EXT2: variants seen among roughly 807,000 people sequenced by gnomAD.
EXT2 encodes the protein exostosin glycosyltransferase 2.
A neutral mutation model predicts 81.6 loss-of-function variants in EXT2; 53 were observed. The observed-to-expected ratio is 0.65, with a 90% CI of 0.52 to 0.82. The LOEUF is 0.82. EXT2 is among the 40% of genes least tolerant of loss of function. The pLI is 0.00. For synonymous variants in EXT2, 320 were observed against 340.0 expected (o/e 0.94, Z 0.65); for missense variants, 774 against 910.2 (o/e 0.85, Z 1.93).
At chr11:44,227,655 A>G (rs1187332019) in intron 10 of EXT2, among the ~76,000 whole-genome samples, 1 of 152,210 alleles carries the variant, frequency 6.6e-6, no homozygotes, top group Non-Finnish European at 1.5e-5. Context: ...TATCTATAGT[A>G]ATGGGACACG....
intron 3 of EXT2, among the ~76,000 whole-genome samples, chr11:44,110,801 A>G (rs1488217856): frequency 6.6e-6 from 1 of 152,236 alleles, no homozygotes; most frequent in Admixed American, 6.5e-5. Flanking sequence ...TGTTAGGATC[A>G]GGAAGGTTAA....
In EXT2 at chr11:44,234,111, A is replaced by T. The variant is rs754763306; in HGVS notation, c.1807-4A>T. On this transcript the variant is annotated splice_polypyrimidine_tract_variant and splice_region_variant and intron_variant, in intron 11 of 13. Coordinates refer to ENST00000533608, the MANE Select transcript of EXT2 (RefSeq NM_207122.2). ...ATATTTCTTCTTTCTGTCTCACTTGACAGTATTTTAATTACCTGTATACCT... is the reference window on the plus strand; with the variant it reads ...ATATTTCTTCTTTCTGTCTCACTTGTCAGTATTTTAATTACCTGTATACCT... 6.2e-7 allele frequency: 1 copy of T among 1,614,062 alleles called. No individual in the cohort carries two copies. The highest frequency in any genetic ancestry group is 1.1e-5 in the South Asian group (1 of 91,068).
At chr11:44,109,468 G>A (rs1187217017) in intron 3 of EXT2, among the ~76,000 whole-genome samples, 185 bp downstream of exon 3, 3 of 152,098 alleles carry the variant, frequency 2.0e-5, no homozygotes, top group Non-Finnish European at 4.4e-5. Flanking sequence ...AACCAGTTAG[G>A]GCTTATGTCC....
chr11:44,177,208 G>A (rs1196360199), intron 8 of EXT2, among the ~76,000 whole-genome samples: 1 of 152,188 alleles, frequency 6.6e-6, no homozygotes, highest in African/African-American at 2.4e-5. Context: ...TTCTTTATTA[G>A]GGGAAGTGTG....
At chr11:44,181,848 C>T (rs1955240489) in intron 8 of EXT2, among the ~76,000 whole-genome samples, 1 of 152,144 alleles carries the variant, frequency 6.6e-6, no homozygotes, top group Non-Finnish European at 1.5e-5. Context: ...TGATTATTGG[C>T]AGTCTGCTCT....
chr11:44,128,856 A>G (rs1590573547), intron 6 of EXT2, among the ~76,000 whole-genome samples: 1 of 152,158 alleles, frequency 6.6e-6, no homozygotes, highest in African/African-American at 2.4e-5. Flanking sequence ...TACTTAACAA[A>G]TGTTTATCAA....
intron 3 of EXT2, among the ~76,000 whole-genome samples, chr11:44,112,409 T>C (rs989167245): frequency 2.0e-5 from 3 of 152,216 alleles, no homozygotes; most frequent in African/African-American, 7.2e-5. Flanking sequence ...TTCAGTCTCT[T>C]GCAGCTTTGG....
chr11:44,106,083 G>A (rs1954050235), intron 1 of EXT2, among the ~76,000 whole-genome samples: 1 of 152,192 alleles, frequency 6.6e-6, no homozygotes, highest in Admixed American at 6.5e-5. Flanking sequence ...ACTCTATAGG[G>A]CCTCTCAAGT....
chr11:44,185,673 T>C (rs1435047355), intron 8 of EXT2, among the ~76,000 whole-genome samples: 4 of 152,232 alleles, frequency 2.6e-5, no homozygotes, highest in Admixed American at 2.6e-4. Context: ...GTTAGGCTCC[T>C]AACAGCTCAA....
Position 44,245,710 on chromosome 11 carries a change from G to A in EXT2, c.*1423G>A, listed in dbSNP as rs1235786700. Among the ~76,000 whole-genome samples, 2 of 152,212 alleles carry A rather than the reference G, an allele frequency of 1.3e-5. No homozygotes were observed. The highest frequency in any genetic ancestry group is 4.8e-5 in the African/African-American group (2 of 41,458). Reference sequence around the variant, plus strand: ...CATGAAGGTGGGCAGTTATTATGCTGTAGTTTCATCAAGAGTCACTTCAGA... The same window carrying A: ...CATGAAGGTGGGCAGTTATTATGCTATAGTTTCATCAAGAGTCACTTCAGA... On this transcript the variant is annotated 3_prime_UTR_variant, in exon 14 of 14. Coordinates refer to ENST00000533608, the MANE Select transcript of EXT2 (RefSeq NM_207122.2).
At chr11:44,229,025 C>G (rs990446573) in intron 10 of EXT2, among the ~76,000 whole-genome samples, 1 of 152,160 alleles carries the variant, frequency 6.6e-6, no homozygotes, top group Non-Finnish European at 1.5e-5. Flanking sequence ...TGCCCCCTCC[C>G]CATGCCCTAC....
intron 13 of EXT2, among the ~76,000 whole-genome samples, chr11:44,243,064 C>A (rs1026269512): frequency 1.3e-5 from 2 of 152,126 alleles, no homozygotes; most frequent in Non-Finnish European, 2.9e-5. Context: ...GTTAAAAGCT[C>A]AAAATGAAAT....
intron 10 of EXT2, among the ~76,000 whole-genome samples, chr11:44,211,903 A>G (rs898566097): frequency 6.6e-6 from 1 of 152,198 alleles, no homozygotes; most frequent in Non-Finnish European, 1.5e-5. Flanking sequence ...GTCAATAAGA[A>G]TAACATTTTT....
chr11:44,102,885 T>C (rs1157607862), intron 1 of EXT2, among the ~76,000 whole-genome samples: 1 of 152,204 alleles, frequency 6.6e-6, no homozygotes, highest in African/African-American at 2.4e-5. Flanking sequence ...TTTTTGTTTG[T>C]TTTGTTTTCT....
At chr11:44,196,933 C>T (rs192124251) in intron 8 of EXT2, among the ~76,000 whole-genome samples, 9 of 152,230 alleles carry the variant, frequency 5.9e-5, no homozygotes, top group African/African-American at 1.9e-4. Context: ...AAAAGCTGAT[C>T]GGAAGTTCTT....
At position 44,157,136 on chromosome 11, in the gene EXT2, G is replaced by T. The variant is rs1034898264; in HGVS notation, c.1174-14475G>T. Among the ~76,000 whole-genome samples the T allele has an allele frequency of 3.3e-5, 5 of 152,178 alleles. 1 individual carries two copies. In the South Asian group the frequency reaches 1.0e-3, roughly 32 times the overall value. On this transcript the variant is annotated intron_variant, in intron 7 of 13. Transcript: ENST00000533608. ...TAGAACTGGGGAATGGGTGACACAGGCAGTCCTGTGGTCACCGCTGCTTGG... is the reference window on the plus strand; with the variant it reads ...TAGAACTGGGGAATGGGTGACACAGTCAGTCCTGTGGTCACCGCTGCTTGG...
At chr11:44,176,790 A>G (rs964781281) in intron 8 of EXT2, among the ~76,000 whole-genome samples, 1 of 141,436 alleles carries the variant, frequency 7.1e-6, no homozygotes, top group Non-Finnish European at 1.6e-5. Context: ...CAGTAAATCA[A>G]GGGGTGGTCT....
At chr11:44,168,449 T>G (rs1955025581) in intron 7 of EXT2, among the ~76,000 whole-genome samples, 1 of 152,052 alleles carries the variant, frequency 6.6e-6, no homozygotes, top group African/African-American at 2.4e-5. Context: ...TGTCCGAAAG[T>G]TTTCTAAAAT....
intron 12 of EXT2, among the ~76,000 whole-genome samples, chr11:44,235,213 TC>T (rs1210806574): frequency 1.6e-5 from 2 of 125,922 alleles, no homozygotes; most frequent in Admixed American, 1.6e-4. Context: ...ACCCTTCCCA[TC>T]CCCAAATTTG....
Sources: gnomAD v4.1 joint callset for allele counts (sites outside exome capture counted in the v4.1 genomes callset) on GRCh38, gnomAD v4.1.1 for gene constraint, MANE v1.5 for transcripts, NCBI Gene and HGNC (gene_info 2026-07-23, HGNC 2026-07-21) for gene names.